The following MTR variants were observed in gnomAD, a reference collection of about 807,000 sequenced individuals.
MTR encodes the protein methionine synthase.
In MTR, 84 loss-of-function variants were observed where a neutral mutation model predicts 154.8. That is an observed-to-expected ratio of 0.54 (90% CI 0.45 to 0.65). MTR has a LOEUF of 0.65. Among genes scored for constraint, MTR ranks in the 30% least tolerant of loss-of-function variants. The pLI, the probability that MTR is intolerant of heterozygous loss-of-function variation, is 0.00. For missense variants in MTR, 1,275 were observed against 1,570.2 expected, an observed-to-expected ratio of 0.81 and a Z score of 3.18; for synonymous variants, 554 against 553.9, an observed-to-expected ratio of 1.00 and a Z score of 0.00.
At chr1:236,860,645 C>A (rs993910511) in intron 19 of MTR, among the ~76,000 whole-genome samples, 1 of 152,130 alleles carries the variant, frequency 6.6e-6, no homozygotes, top group South Asian at 2.1e-4. Context: ...AGTGAGAAAA[C>A]TTACTGATTT....
chr1:236,867,441 C>G (rs1664879776), intron 22 of MTR, among the ~76,000 whole-genome samples: 1 of 152,116 alleles, frequency 6.6e-6, no homozygotes, highest in Non-Finnish European at 1.5e-5. Flanking sequence ...TGCACCTGGT[C>G]ACAAGAATTC....
Position 236,835,678 on chromosome 1 carries a change from C to G in MTR, c.1320C>G (p.Asp440Glu). The change falls in exon 14 of 33, where the codon GAC (aspartate) becomes GAG (glutamate). Residue 440 changes from aspartate to glutamate, a missense_variant. Physicochemically the swap from Asp to Glu is conservative, Grantham distance 45. Transcript: ENST00000366577. The stretch of plus-strand genomic sequence containing the variant: ...GCAACTTAATTGCTTCCGAGCCAGA[C>G]ATCGCAAAGGTTATACAAAGTTTAT... ...RFCNLIASEP[D>E]IAKVPLCIDS... The G allele has an allele frequency of 6.2e-7, 1 of 1,612,792 alleles. No homozygotes were observed. Among genetic ancestry groups the G allele is most frequent in the Non-Finnish European group, 8.5e-7 (1 of 1,179,802 alleles).
At chr1:236,814,923 C>T (rs560915150) in intron 6 of MTR, among the ~76,000 whole-genome samples, 21 of 152,234 alleles carry the variant, frequency 1.4e-4, no homozygotes, top group East Asian at 5.8e-4. Context: ...ACATTAATTA[C>T]AGGTTGCATT....
At chr1:236,896,941 G>C (rs1425664942) in intron 31 of MTR, 65 bp from the exon 32 acceptor site, 1 of 1,194,254 alleles carries the variant, frequency 8.4e-7, no homozygotes, top group African/African-American at 1.5e-5. Flanking sequence ...TTGAGTGCCT[G>C]CTAGCTGCAG....
chr1:236,811,665 C>T (rs1661311122), intron 5 of MTR: 1 of 456,186 alleles, frequency 2.2e-6, no homozygotes, highest in South Asian at 1.5e-5. Context: ...GGGGAGCTAA[C>T]TTACCCTTGC....
chr1:236,861,111 T>A lies in MTR; in HGVS notation c.2044-14T>A. On this transcript the variant is annotated splice_polypyrimidine_tract_variant and intron_variant, in intron 19 of 32. Coordinates refer to ENST00000366577, the MANE Select transcript of MTR (RefSeq NM_000254.3). ...TCTTTCTTTTTCTTTTTTTTTTTTT[T>A]TTGTCTTTTTTAGGGCATTGAAAAA... 6.5e-7 allele frequency: 1 copy of A among 1,535,318 alleles called. No individual in the cohort carries two copies. The highest frequency in any genetic ancestry group is 8.7e-7 in the Non-Finnish European group (1 of 1,147,436).
At chr1:236,895,975 G>A (rs1484261263) in intron 31 of MTR, among the ~76,000 whole-genome samples, 2 of 152,252 alleles carry the variant, frequency 1.3e-5, no homozygotes, top group Middle Eastern at 3.4e-3. Flanking sequence ...CTTGCAGAGC[G>A]CCCAGCCTTC....
At chr1:236,866,502 T>C (rs1445317103) in intron 22 of MTR, among the ~76,000 whole-genome samples, 1 of 152,114 alleles carries the variant, frequency 6.6e-6, no homozygotes, top group Admixed American at 6.6e-5. Context: ...AACTCTGTAA[T>C]GGCCTTGTAA....
intron 2 of MTR, among the ~76,000 whole-genome samples, chr1:236,804,812 G>C (rs1660886830): frequency 6.6e-6 from 1 of 151,906 alleles, no homozygotes; most frequent in South Asian, 2.1e-4. Flanking sequence ...TCATATATGT[G>C]TATGTGTGTA....
chr1:236,850,330 G>A lies in MTR; in HGVS notation c.1516-14G>A. On this transcript the variant is annotated splice_polypyrimidine_tract_variant and intron_variant, in intron 15 of 32. Transcript: ENST00000366577. ...TTTTCTATTTCAAACTACATCTTTTGCTCTTTTCCCTAGGCAACAGAAACA... is the reference window on the plus strand; with the variant it reads ...TTTTCTATTTCAAACTACATCTTTTACTCTTTTCCCTAGGCAACAGAAACA... 2 of 1,603,880 alleles carry A rather than the reference G, an allele frequency of 1.2e-6. No individual in the cohort carries two copies. Among genetic ancestry groups the A allele is most frequent in the Non-Finnish European group, 8.5e-7 (1 of 1,173,376 alleles).
chr1:236,832,484 A>G (rs1450627508), intron 13 of MTR, among the ~76,000 whole-genome samples: 1 of 152,210 alleles, frequency 6.6e-6, no homozygotes, highest in Non-Finnish European at 1.5e-5. Context: ...TGTTGAGGGT[A>G]TTATGGATCT....
At chr1:236,827,646 C>A (rs945392810) in intron 11 of MTR, among the ~76,000 whole-genome samples, 1 of 152,110 alleles carries the variant, frequency 6.6e-6, no homozygotes, top group Non-Finnish European at 1.5e-5. Flanking sequence ...ATCTTGAGGT[C>A]AGGAGAAGTG....
chr1:236,894,674 C>A, intron 30 of MTR, 117 bp downstream of exon 30: 1 of 825,264 alleles, frequency 1.2e-6, no homozygotes, highest in Non-Finnish European at 1.9e-6. Flanking sequence ...TTTTTTTTTT[C>A]TTGAGATGGA....
chr1:236,859,829 T>C lies in MTR; in HGVS notation c.1954-4T>C. ...TCCATTTCTTGGTTTCAATTTCAATTCAGACTCAAGGCACAGGAGGGAAGA... is the reference window on the plus strand; with the variant it reads ...TCCATTTCTTGGTTTCAATTTCAATCCAGACTCAAGGCACAGGAGGGAAGA... On this transcript the variant is annotated splice_region_variant and splice_polypyrimidine_tract_variant and intron_variant, in intron 18 of 32. Transcript: ENST00000366577. 3 of 1,613,114 alleles carry C rather than the reference T, an allele frequency of 1.9e-6. No homozygotes were observed. Among genetic ancestry groups the C allele is most frequent in the Non-Finnish European group, 2.5e-6 (3 of 1,179,146 alleles).
At chr1:236,881,226 T>C (rs1665715901) in intron 25 of MTR, among the ~76,000 whole-genome samples, 1 of 152,202 alleles carries the variant, frequency 6.6e-6, no homozygotes, top group Non-Finnish European at 1.5e-5. Flanking sequence ...AGTGTCCTAG[T>C]TGACCCTACC....
chr1:236,889,085 G>C (rs1666176491), intron 27 of MTR, 96 bp from the exon 28 acceptor site: 1 of 1,446,048 alleles, frequency 6.9e-7, no homozygotes, highest in African/African-American at 1.4e-5. Flanking sequence ...GGGAGGCGGA[G>C]TGTGGGAGTT....
chr1:236,797,832 C>T (rs1012795577), intron 1 of MTR, among the ~76,000 whole-genome samples: 19 of 151,838 alleles, frequency 1.3e-4, no homozygotes, highest in Non-Finnish European at 2.8e-4. Flanking sequence ...ATAGTGAGCG[C>T]CTATAACCCC....
At position 236,886,867 on chromosome 1, in the gene MTR, G is replaced by A. The variant is rs138174279; in HGVS notation, c.2851+500G>A. Among the ~76,000 whole-genome samples, 21 of 152,282 alleles carry A rather than the reference G, an allele frequency of 1.4e-4. 1 individual carries two copies. In the East Asian group the frequency reaches 3.9e-3, roughly 28 times the overall value. On this transcript the variant is annotated intron_variant, in intron 27 of 32. Transcript: ENST00000366577. ...ATGTGAAATGTCTAAAATGGGAAAC[G>A]CCTTTGCATTCACACATCTTTAAAA...
At chr1:236,866,377 C>A (rs1399129198) in intron 22 of MTR, among the ~76,000 whole-genome samples, 1 of 152,136 alleles carries the variant, frequency 6.6e-6, no homozygotes, top group African/African-American at 2.4e-5. Flanking sequence ...CAAACTTAAT[C>A]CATAAATATA....
Sources: gnomAD v4.1 joint callset for allele counts (sites outside exome capture counted in the v4.1 genomes callset) on GRCh38, gnomAD v4.1.1 for gene constraint, MANE v1.5 for transcripts, NCBI Gene and HGNC (gene_info 2026-07-23, HGNC 2026-07-21) for gene names.